The following MICAL2 variants were observed in gnomAD, a reference collection of about 807,000 sequenced individuals.
MICAL2 encodes the protein [F-actin]-monooxygenase MICAL2.
Under a neutral mutation model 127.3 loss-of-function variants are expected in MICAL2, and 77 were observed. The ratio of observed to expected loss-of-function variants is 0.60; its 90% CI spans 0.50 to 0.73. The LOEUF (loss-of-function observed/expected upper bound fraction) is 0.73, where lower values mean the gene tolerates loss of function less well. Ranked by LOEUF, MICAL2 falls within the 30% of genes least tolerant of loss-of-function variation. The pLI is 0.00. For synonymous variants in MICAL2, 570 were observed against 551.1 expected (o/e 1.03, Z -0.48); for missense variants, 1,351 against 1,434.4 (o/e 0.94, Z 0.94).
intron 3 of MICAL2, among the ~76,000 whole-genome samples, chr11:12,199,248 A>G (rs1860347681): frequency 1.3e-5 from 2 of 152,206 alleles, no homozygotes; most frequent in East Asian, 3.9e-4. Context: ...TTCATAGGGT[A>G]GTTGCAAGGA....
chr11:12,339,075 A>C (rs768544016), intron 32 of MICAL2, among the ~76,000 whole-genome samples: 13 of 152,282 alleles, frequency 8.5e-5, no homozygotes, highest in Non-Finnish European at 1.5e-4. Flanking sequence ...CATTCTCCCC[A>C]TCACTTTCAG....
intron 2 of MICAL2, among the ~76,000 whole-genome samples, chr11:12,152,531 G>A (rs1415272258): frequency 6.6e-6 from 1 of 152,046 alleles, no homozygotes; most frequent in Non-Finnish European, 1.5e-5. Context: ...GGTAGGCCCT[G>A]AGAGCTAAGA....
At chr11:12,248,873 T>C (rs1270598873) in intron 21 of MICAL2, among the ~76,000 whole-genome samples, 1 of 152,158 alleles carries the variant, frequency 6.6e-6, no homozygotes, top group East Asian at 1.9e-4. Context: ...GCATCCCAGC[T>C]TGGGGGATTT....
At chr11:12,351,675 A>G (rs772365987) in intron 33 of MICAL2, among the ~76,000 whole-genome samples, 6 of 152,050 alleles carry the variant, frequency 3.9e-5, no homozygotes, top group Non-Finnish European at 8.8e-5. Flanking sequence ...GAGGAAGGGT[A>G]GGGTTGGGAG....
At chr11:12,283,954 T>C (rs1237338961) in intron 2 of MICAL2, among the ~76,000 whole-genome samples, 2 of 152,132 alleles carry the variant, frequency 1.3e-5, no homozygotes. Flanking sequence ...GAAATTCAGA[T>C]TGAGTGGGTC....
rs564734958 is a variant in MICAL2 at position 12,325,100 on chromosome 11, G to GT, written c.5421+1036dup. 2.2e-4 allele frequency among the ~76,000 whole-genome samples: 33 copies of GT among 151,974 alleles called. No homozygotes were observed. In the South Asian group the frequency reaches 6.4e-3, roughly 30 times the overall value. On this transcript the variant is annotated intron_variant, in intron 31 of 34. Transcript: ENST00000646065. ...TCTGAGACTTTCATCCTTAGTTGTT[G>GT]TTTTTTGTTTTTTGGTTTTTTATTT...
intron 29 of MICAL2, among the ~76,000 whole-genome samples, chr11:12,310,707 G>A (rs544062063): frequency 6.1e-4 from 92 of 151,930 alleles, no homozygotes; most frequent in South Asian, 1.7e-3. Flanking sequence ...CTATTTCTGT[G>A]AAGAATGTCA....
intron 3 of MICAL2, among the ~76,000 whole-genome samples, chr11:12,171,741 G>A (rs1232193145): frequency 2.6e-5 from 4 of 152,188 alleles, no homozygotes; most frequent in Non-Finnish European, 4.4e-5. Flanking sequence ...AGTGGCTGGA[G>A]GTTCAGTAGC....
intron 11 of MICAL2, 105 bp downstream of exon 11, chr11:12,222,848 G>A: frequency 7.1e-7 from 1 of 1,408,682 alleles, no homozygotes; most frequent in Non-Finnish European, 9.6e-7. Flanking sequence ...CTGGGACTAA[G>A]GCCACCAAGG....
chr11:12,220,245 C>T lies in MICAL2; in HGVS notation c.993C>T (p.Asn331=). 1 of 1,614,200 alleles carries T rather than the reference C, an allele frequency of 6.2e-7. No individual in the cohort carries two copies. Among genetic ancestry groups the T allele is most frequent in the Non-Finnish European group, 8.5e-7 (1 of 1,180,036 alleles). Reference sequence around the variant, plus strand: ...TGCTGCTGTGTGCGGAGAACGTGAACCAAGACAACCTGCTATCCTATGCCC... The same window carrying T: ...TGCTGCTGTGTGCGGAGAACGTGAATCAAGACAACCTGCTATCCTATGCCC... ...TEMLLCAENV[N]QDNLLSYARE... The change falls in exon 9 of 28, where the codon AAC becomes AAT. Residue 331 remains asparagine (N), a synonymous_variant. Coordinates refer to ENST00000683283, the MANE Select transcript of MICAL2 (RefSeq NM_001282663.2).
chr11:12,289,566 GTTT>G (rs1316795523), downstream of MICAL2, among the ~76,000 whole-genome samples: 1 of 36,464 alleles, frequency 2.7e-5, no homozygotes, highest in Non-Finnish European at 5.1e-5. Flanking sequence ...GTTTTTTTTT[GTTT>G]TTTTTTTTTT....
intron 2 of MICAL2, among the ~76,000 whole-genome samples, chr11:12,147,737 C>T (rs1590071419): frequency 6.6e-6 from 1 of 152,202 alleles, no homozygotes; most frequent in Admixed American, 6.5e-5. Flanking sequence ...CCTAGCAAGG[C>T]CCCAGTCACA....
intron 34 of MICAL2, chr11:12,354,901 G>A: frequency 6.4e-7 from 1 of 1,574,038 alleles, no homozygotes; most frequent in Non-Finnish European, 8.7e-7. Flanking sequence ...CCCTAGAAAG[G>A]CTCCTGAGCA....
chr11:12,353,290 G>A (rs1006196283), intron 33 of MICAL2, among the ~76,000 whole-genome samples: 2 of 152,204 alleles, frequency 1.3e-5, no homozygotes, highest in African/African-American at 2.4e-5. Flanking sequence ...TCAAGTCTCT[G>A]TTGCAGTGAA....
At chr11:12,239,019 TCTC>T (rs1244179176) in intron 16 of MICAL2, among the ~76,000 whole-genome samples, 6 of 152,208 alleles carry the variant, frequency 3.9e-5, no homozygotes, top group African/African-American at 9.7e-5. Context: ...CCCCTGCTCT[TCTC>T]CTCTTCTCAG....
At chr11:12,274,073 G>A (rs1344494830), upstream of MICAL2, among the ~76,000 whole-genome samples, 1 of 152,168 alleles carries the variant, frequency 6.6e-6, no homozygotes, top group African/African-American at 2.4e-5. Context: ...CTTAAGACAG[G>A]AGACTTTCAG....
At chr11:12,221,584 T>G (rs1167663409) in intron 9 of MICAL2, 60 bp from the exon 10 acceptor site, 1,628 of 1,219,770 alleles carry the variant, frequency 1.3e-3, no homozygotes, top group Non-Finnish European at 1.7e-3. Flanking sequence ...CTGGGTCCAA[T>G]GAGATCATAG....
chr11:12,256,614 G>A (rs765491441), intron 23 of MICAL2, 171 bp from the exon 24 acceptor site: 12 of 615,862 alleles, frequency 1.9e-5, no homozygotes, highest in Non-Finnish European at 3.0e-5. Flanking sequence ...GTTGGGGTCT[G>A]GGTTGGGGGT....
At chr11:12,356,362 C>G (rs185354040) in intron 34 of MICAL2, among the ~76,000 whole-genome samples, 1 of 152,306 alleles carries the variant, frequency 6.6e-6, no homozygotes, top group Admixed American at 6.5e-5. Context: ...GATGCTCGGT[C>G]TCTTTGGGAT....
Sources: gnomAD v4.1 joint callset for allele counts (sites outside exome capture counted in the v4.1 genomes callset) on GRCh38, gnomAD v4.1.1 for gene constraint, MANE v1.5 for transcripts, NCBI Gene and HGNC (gene_info 2026-07-23, HGNC 2026-07-21) for gene names.